MECOM: variants seen among roughly 807,000 people sequenced by gnomAD.
The protein encoded by MECOM is MDS1 and EVI1 complex locus.
Under a neutral mutation model 116.3 loss-of-function variants are expected in MECOM, and 13 were observed. That is an observed-to-expected ratio of 0.11 (90% confidence interval 0.07 to 0.18). The LOEUF is 0.18. Among genes scored for constraint, MECOM ranks in the 10% least tolerant of loss-of-function variants. The pLI, the probability that MECOM is intolerant of heterozygous loss-of-function variation, is 1.00. For synonymous variants in MECOM, 528 were observed against 535.2 expected (o/e 0.99, Z 0.19); for missense variants, 1,299 against 1,509.0 (o/e 0.86, Z 2.31).
chr3:169,534,789 C>T lies in MECOM; in HGVS notation c.37+128547G>A, dbSNP rs145515717. On this transcript the variant is annotated intron_variant, in intron 1 of 16. Transcript: ENST00000651503. ...TTTTACAGAGGAGGAAACTGAGGAACAAAAAGGCTAGACCACTTGTACAAG... is the reference window on the plus strand; with the variant it reads ...TTTTACAGAGGAGGAAACTGAGGAATAAAAAGGCTAGACCACTTGTACAAG... 2.5e-3 allele frequency among the ~76,000 whole-genome samples: 380 copies of T among 152,222 alleles called. 1 individual carries two copies. Among genetic ancestry groups the T allele is most frequent in the Non-Finnish European group, 4.3e-3 (294 of 68,012 alleles).
intron 2 of MECOM, among the ~76,000 whole-genome samples, chr3:169,368,670 G>A (rs1373164156): frequency 1.3e-5 from 2 of 151,954 alleles, no homozygotes; most frequent in African/African-American, 4.8e-5. Context: ...AAAGCATAGA[G>A]AATAGAATAT....
chr3:169,656,584 C>G (rs1775572285), intron 1 of MECOM, among the ~76,000 whole-genome samples: 1 of 152,128 alleles, frequency 6.6e-6, no homozygotes, highest in South Asian at 2.1e-4. Context: ...AACACTCCCC[C>G]ATTTTAATCA....
intron 2 of MECOM, among the ~76,000 whole-genome samples, chr3:169,338,280 C>T (rs1723905998): frequency 6.6e-6 from 1 of 152,120 alleles, no homozygotes; most frequent in African/African-American, 2.4e-5. Context: ...GAAGTTTCCC[C>T]GGATGCCTAA....
At chr3:169,422,834 T>C (rs1287439230) in intron 1 of MECOM, among the ~76,000 whole-genome samples, 2 of 152,106 alleles carry the variant, frequency 1.3e-5, no homozygotes, top group South Asian at 2.1e-4. Flanking sequence ...CAAGTTACTT[T>C]ATCTTTCTGA....
At chr3:169,276,129 G>T (rs925387602) in intron 2 of MECOM, among the ~76,000 whole-genome samples, 23 of 152,190 alleles carry the variant, frequency 1.5e-4, no homozygotes, top group African/African-American at 5.5e-4. Flanking sequence ...TTTATGGTAG[G>T]TGGTATTTTG....
chr3:169,629,230 T>A (rs1264414619), intron 1 of MECOM, among the ~76,000 whole-genome samples: 1 of 151,980 alleles, frequency 6.6e-6, no homozygotes, highest in African/African-American at 2.4e-5. Flanking sequence ...AATATATGCA[T>A]TTTACATTTT....
At chr3:169,199,163 T>G (rs557052708) in intron 2 of MECOM, among the ~76,000 whole-genome samples, 1 of 152,200 alleles carries the variant, frequency 6.6e-6, no homozygotes, top group East Asian at 1.9e-4. Flanking sequence ...GAAATTAATT[T>G]TGGAAGCAAT....
At chr3:169,320,996 C>T (rs906843096) in intron 2 of MECOM, among the ~76,000 whole-genome samples, 4 of 152,058 alleles carry the variant, frequency 2.6e-5, no homozygotes, top group Non-Finnish European at 4.4e-5. Context: ...CAGAAAATAA[C>T]CCAGGGTCTC....
intron 8 of MECOM, among the ~76,000 whole-genome samples, chr3:169,114,463 T>C (rs1331333696): frequency 2.0e-5 from 3 of 152,148 alleles, no homozygotes; most frequent in Non-Finnish European, 4.4e-5. Flanking sequence ...ACTTGATAAA[T>C]ATTGTTGAAT....
chr3:169,224,170 G>GAT (rs1242886328), intron 2 of MECOM, among the ~76,000 whole-genome samples: 2 of 152,134 alleles, frequency 1.3e-5, no homozygotes, highest in Non-Finnish European at 2.9e-5. Flanking sequence ...TCTGAGAGGA[G>GAT]ATAGAGAACG....
intron 2 of MECOM, among the ~76,000 whole-genome samples, chr3:169,286,811 C>T (rs1713412412): frequency 6.6e-6 from 1 of 151,960 alleles, no homozygotes; most frequent in Admixed American, 6.6e-5. Context: ...GGGAGGTAGC[C>T]CGGCAATTCC....
chr3:169,185,824 A>C (rs1235197592), intron 2 of MECOM, among the ~76,000 whole-genome samples: 1 of 152,214 alleles, frequency 6.6e-6, no homozygotes, highest in East Asian at 1.9e-4. Context: ...CTTTAAGGGT[A>C]ATTCAACCGA....
chr3:169,189,106 A>G (rs1344768196), intron 2 of MECOM, among the ~76,000 whole-genome samples: 1 of 152,150 alleles, frequency 6.6e-6, no homozygotes, highest in Non-Finnish European at 1.5e-5. Context: ...ACATATATTT[A>G]GTACTTCAGA....
intron 10 of MECOM, among the ~76,000 whole-genome samples, chr3:169,103,134 T>C (rs186758728): frequency 6.6e-6 from 1 of 151,228 alleles, no homozygotes; most frequent in African/African-American, 2.4e-5. Context: ...CCCTGTTTTT[T>C]AAAAACTTTT....
intron 1 of MECOM, among the ~76,000 whole-genome samples, chr3:169,512,465 A>T (rs981387386): frequency 1.3e-5 from 2 of 152,104 alleles, no homozygotes; most frequent in Non-Finnish European, 2.9e-5. Flanking sequence ...GTAAGAACAA[A>T]TCTCCTCCAG....
chr3:169,168,614 T>G (rs1743964082), intron 2 of MECOM, among the ~76,000 whole-genome samples: 1 of 152,098 alleles, frequency 6.6e-6, no homozygotes, highest in African/African-American at 2.4e-5. Flanking sequence ...ATGTAATCTT[T>G]TTTTAAAAAA....
At chr3:169,549,030 G>C (rs1330119970) in intron 1 of MECOM, among the ~76,000 whole-genome samples, 1 of 145,352 alleles carries the variant, frequency 6.9e-6, no homozygotes. Flanking sequence ...CTGGAGTGCA[G>C]TGGCACGATC....
intron 4 of MECOM, among the ~76,000 whole-genome samples, chr3:169,129,127 G>T (rs941976284): frequency 2.6e-5 from 4 of 152,092 alleles, no homozygotes; most frequent in African/African-American, 4.8e-5. Flanking sequence ...CTGAAAAGAG[G>T]TTCAGAAAAG....
intron 1 of MECOM, among the ~76,000 whole-genome samples, chr3:169,533,131 T>A (rs918703125): frequency 5.3e-5 from 8 of 151,966 alleles, no homozygotes; most frequent in Non-Finnish European, 1.2e-4. Context: ...TCCAATGTTC[T>A]GCTTGGTTGG....
Sources: allele counts gnomAD v4.1 joint callset (sites outside exome capture counted in the v4.1 genomes callset), GRCh38; gene constraint gnomAD v4.1.1; transcripts MANE v1.5; gene names NCBI Gene and HGNC (gene_info 2026-07-23, HGNC 2026-07-21).